Variants in ATF7 observed in about 807,000 individuals in gnomAD.
ATF7 encodes the protein cyclic AMP-dependent transcription factor ATF-7.
Under a neutral mutation model 50.4 loss-of-function variants are expected in ATF7, and 10 were observed. The ratio of observed to expected loss-of-function variants is 0.20; its 90% confidence interval spans 0.12 to 0.34. ATF7 has a LOEUF of 0.34. Among genes scored for constraint, ATF7 ranks in the 10% least tolerant of loss-of-function variants. The pLI is 1.00. For missense variants in ATF7, 465 were observed against 613.9 expected (o/e 0.76, Z 2.56); for synonymous variants, 201 against 226.4 (o/e 0.89, Z 1.01).
At chr12:53,555,004 C>A (rs2137523289) in intron 2 of ATF7, among the ~76,000 whole-genome samples, 1 of 149,050 alleles carries the variant, frequency 6.7e-6, no homozygotes, top group South Asian at 2.2e-4. Context: ...CAGGCACCAT[C>A]TTTTTCAGTT....
At chr12:53,590,060 G>A (rs1200951396) in intron 2 of ATF7, among the ~76,000 whole-genome samples, 2 of 152,088 alleles carry the variant, frequency 1.3e-5, no homozygotes, top group Non-Finnish European at 2.9e-5. Flanking sequence ...TGAGCTTCTA[G>A]TAAAAGAAGC....
intron 1 of ATF7, among the ~76,000 whole-genome samples, chr12:53,604,109 T>C (rs1026088560): frequency 6.6e-5 from 10 of 152,096 alleles, no homozygotes; most frequent in African/African-American, 2.4e-4. Flanking sequence ...AAACAATAAA[T>C]GACAGAAGAG....
Position 53,531,346 on chromosome 12 carries a change from C to CG in ATF7, c.927+397dup, listed in dbSNP as rs545610933. Among the ~76,000 whole-genome samples the CG allele has an allele frequency of 1.8e-4, 26 of 147,500 alleles. No individual in the cohort carries two copies. The South Asian group carries it at 2.1e-3, about 12-fold the overall frequency. On this transcript the variant is annotated intron_variant, in intron 9 of 11. Transcript: ENST00000420353. ...CTGAGGCAGAAGAATCGCTTGAACC[C>CG]GGGGGGCAGAGGTTGCAGTGAGCTG...
chr12:53,518,722 C>T (rs887062253), intron 11 of ATF7, among the ~76,000 whole-genome samples: 3 of 152,178 alleles, frequency 2.0e-5, no homozygotes, highest in Middle Eastern at 3.2e-3. Flanking sequence ...GTATTTCTGA[C>T]ATCCTGATGA....
At position 53,524,631 on chromosome 12, in the gene ATF7, C is replaced by T. The variant is rs1362206328; in HGVS notation, c.1058G>A (p.Arg353Gln). The change falls in exon 10 of 12, where the codon CGA (arginine) becomes CAA (glutamine). Residue 353 changes from arginine (R) to glutamine (Q), a missense_variant. Arg to Gln is a conservative substitution (Grantham distance 43). Coordinates refer to ENST00000420353, the MANE Select transcript of ATF7 (RefSeq NM_006856.3). The surrounding 1 kb of genome is among the most constrained non-coding windows in gnomAD (Gnocchi z 4.6). ...CTCTAGGGAGGACACCCACAGCTTT[C>T]GCTTTTGGCGGCAGCGGGAGGCTGC... ...RAAASRCRQK[R>Q]KLWVSSLEKK... 3.7e-6 allele frequency: 6 copies of T among 1,613,936 alleles called. No homozygotes were observed. The highest frequency in any genetic ancestry group is 5.1e-6 in the Non-Finnish European group (6 of 1,179,894).
At chr12:53,586,490 G>T (rs1942685076) in intron 2 of ATF7, among the ~76,000 whole-genome samples, 1 of 151,522 alleles carries the variant, frequency 6.6e-6, no homozygotes, top group African/African-American at 2.4e-5. Context: ...CAAACTCCAG[G>T]TATGTACTAC....
rs1453674892 is a variant in ATF7 at position 53,542,126 on chromosome 12, T to TTTTTTTTTTTC, written c.264+1203_264+1204insGAAAAAAAAAA. Among the ~76,000 whole-genome samples the TTTTTTTTTTTC allele has an allele frequency of 1.9e-4, 28 of 147,916 alleles. No individual in the cohort carries two copies. In the East Asian group the frequency reaches 5.0e-3, roughly 26 times the overall value. ...TGGCCTGTTTTTTTTTTTTTTTTTT[T>TTTTTTTTTTTC]AAGAGATAGGGTCTCCGGGCCAGGC... On this transcript the variant is annotated intron_variant, in intron 4 of 11. Coordinates refer to ENST00000420353, the MANE Select transcript of ATF7 (RefSeq NM_006856.3).
In ATF7 at chr12:53,524,453, C is replaced by A; in HGVS notation, c.1125+111G>T. 8.3e-7 allele frequency: 1 copy of A among 1,210,622 alleles called. No homozygotes were observed. Among genetic ancestry groups the A allele is most frequent in the Non-Finnish European group, 1.2e-6 (1 of 861,044 alleles). 75.0% of individuals were successfully genotyped at this position (1,210,622 alleles called of 1,614,324 possible). ...GAGATTCTTCATGGGACAACTAGAT[C>A]TGTCCTAATTAGAGAATTACCATCT... On this transcript the variant is annotated intron_variant, in intron 10 of 11. Coordinates refer to ENST00000420353, the MANE Select transcript of ATF7 (RefSeq NM_006856.3). This position sits in a 1 kb window ranked among gnomAD's most constrained non-coding sequence, Gnocchi z 4.6.
chr12:53,568,699 G>A (rs1941585736), intron 2 of ATF7, among the ~76,000 whole-genome samples: 1 of 152,132 alleles, frequency 6.6e-6, no homozygotes, highest in African/African-American at 2.4e-5. Flanking sequence ...TTATCTTTGT[G>A]TCTAACCAGG....
At chr12:53,558,155 T>C (rs1207315894) in intron 2 of ATF7, among the ~76,000 whole-genome samples, 1 of 152,234 alleles carries the variant, frequency 6.6e-6, no homozygotes, top group Admixed American at 6.5e-5. Context: ...GTTTAGAGTA[T>C]GTGGCAGTGG....
At chr12:53,539,048 A>G (rs1324974204) in intron 4 of ATF7, among the ~76,000 whole-genome samples, 1 of 152,156 alleles carries the variant, frequency 6.6e-6, no homozygotes, top group Non-Finnish European at 1.5e-5. Context: ...GCAAAGTTCC[A>G]CACTCATTAA....
chr12:53,563,907 T>C (rs1445037224), intron 2 of ATF7, among the ~76,000 whole-genome samples: 1 of 152,240 alleles, frequency 6.6e-6, no homozygotes, highest in Non-Finnish European at 1.5e-5. Context: ...GTGTATCCTC[T>C]TGCCTACTTT....
intron 3 of ATF7, among the ~76,000 whole-genome samples, chr12:53,550,010 G>A (rs1292155579): frequency 2.6e-5 from 4 of 152,014 alleles, no homozygotes; most frequent in East Asian, 2.0e-4. Context: ...GAGCCACCGC[G>A]TCCAGCCTTA....
rs569937874 is a variant in ATF7, at chr12:53,572,254, T to A, written c.49-19617A>T. On this transcript the variant is annotated intron_variant, in intron 2 of 11. Coordinates refer to ENST00000420353, the MANE Select transcript of ATF7 (RefSeq NM_006856.3). ...AAAAATCTTAACAACTCTTCATAGA[T>A]CTATCAGAGAAGTGAGTTCACAGGG... 6.6e-5 allele frequency among the ~76,000 whole-genome samples: 10 copies of A among 152,178 alleles called. No individual in the cohort carries two copies. The East Asian group carries it at 1.7e-3, about 26-fold the overall frequency.
At chr12:53,596,479 C>T (rs1471855514) in intron 2 of ATF7, among the ~76,000 whole-genome samples, 1 of 152,128 alleles carries the variant, frequency 6.6e-6, no homozygotes, top group African/African-American at 2.4e-5. Context: ...AGCTTCTGTT[C>T]AAACACTTGA....
intron 1 of ATF7, among the ~76,000 whole-genome samples, chr12:53,609,333 T>C (rs561538323): frequency 2.6e-5 from 4 of 151,916 alleles, no homozygotes; most frequent in East Asian, 1.9e-4. Flanking sequence ...TTTGTATTTT[T>C]AGTAGAGACG....
chr12:53,565,813 C>T (rs1015053068), intron 2 of ATF7, among the ~76,000 whole-genome samples: 3 of 152,118 alleles, frequency 2.0e-5, no homozygotes, highest in Middle Eastern at 3.4e-3. Flanking sequence ...TTTAATAGTA[C>T]TCTCTTATGA....
At position 53,514,652 on chromosome 12, in the gene ATF7, C is replaced by G. The variant is rs1387584383; in HGVS notation, c.*2485G>C. ...TTCTGGCAGTGCTCCTCACTGAGGT[C>G]CCGTACACATCTTCCCACTGATAAA... On this transcript the variant is annotated 3_prime_UTR_variant, in exon 12 of 12. Coordinates refer to ENST00000420353, the MANE Select transcript of ATF7 (RefSeq NM_006856.3). 1 of 152,098 alleles carries G rather than the reference C, an allele frequency of 6.6e-6. No homozygotes were observed. Among genetic ancestry groups the G allele is most frequent in the Non-Finnish European group, 1.5e-5 (1 of 68,030 alleles). The allele number at this position is 152,098 out of a possible 1,614,324, so 9.4% of individuals were successfully genotyped here. A position where few individuals can be genotyped will look rare whatever the true frequency, so the allele number is the denominator to read the frequency against.
At chr12:53,592,658 T>C (rs565578663) in intron 2 of ATF7, among the ~76,000 whole-genome samples, 1 of 152,270 alleles carries the variant, frequency 6.6e-6, no homozygotes, top group East Asian at 1.9e-4. Flanking sequence ...TGTTATCTTA[T>C]GATAGCAAAC....
Sources: allele counts gnomAD v4.1 joint callset (sites outside exome capture counted in the v4.1 genomes callset), GRCh38; gene constraint gnomAD v4.1.1; non-coding constraint Gnocchi (gnomAD v3.1); transcripts MANE v1.5; gene names NCBI Gene and HGNC (gene_info 2026-07-23, HGNC 2026-07-21).